The following ADAMTSL1 variants were observed in gnomAD, a reference collection of about 807,000 sequenced individuals.
ADAMTSL1 encodes the protein ADAMTS-like protein 1.
In ADAMTSL1, 126 loss-of-function variants were observed where a neutral mutation model predicts 201.8. The observed-to-expected ratio is 0.62, with a 90% CI of 0.54 to 0.72. The LOEUF (loss-of-function observed/expected upper bound fraction) is 0.72, where lower values mean the gene tolerates loss of function less well. Ranked by LOEUF, ADAMTSL1 falls within the 30% of genes least tolerant of loss-of-function variation. The pLI is 0.00. For synonymous variants in ADAMTSL1, 1,121 were observed against 903.4 expected, an observed-to-expected ratio of 1.24 and a Z score of -4.32; for missense variants, 2,679 against 2,277.8, an observed-to-expected ratio of 1.18 and a Z score of -3.59.
rs549495458 is a variant in ADAMTSL1, at chr9:17,977,938, AT to A, written c.87+71019del. 4.7e-4 allele frequency among the ~76,000 whole-genome samples: 72 copies of A among 152,002 alleles called. 1 individual carries two copies. The South Asian group carries it at 0.015, about 31-fold the overall frequency. On this transcript the variant is annotated intron_variant, in intron 1 of 29. Transcript: ENST00000680146. ...AATCCCCTACCATTATTGTATTGCT[AT>A]TTCCCCCTTGAGTTCTGTTAATATT... is the stretch of plus-strand genomic sequence containing the variant.
intron 2 of ADAMTSL1, among the ~76,000 whole-genome samples, chr9:18,351,117 G>A (rs1054452794): frequency 1.3e-5 from 2 of 151,970 alleles, no homozygotes; most frequent in African/African-American, 4.8e-5. Flanking sequence ...CTAAACATGG[G>A]TTTTCTAGTT....
chr9:18,388,323 T>C (rs1837888760), intron 2 of ADAMTSL1, among the ~76,000 whole-genome samples: 1 of 152,226 alleles, frequency 6.6e-6, no homozygotes, highest in Middle Eastern at 3.4e-3. Flanking sequence ...CAGGCTGGAG[T>C]GCAATGGCAC....
intron 23 of ADAMTSL1, among the ~76,000 whole-genome samples, chr9:18,861,081 TAC>T (rs917181748): frequency 1.3e-5 from 2 of 152,128 alleles, no homozygotes. Flanking sequence ...TCCCTCGTTA[TAC>T]AGAGATCATA....
At chr9:18,399,280 CATATATATAT>C (rs561622408) in intron 2 of ADAMTSL1, among the ~76,000 whole-genome samples, 530 of 30,978 alleles carry the variant, frequency 0.017, 11 homozygotes, top group African/African-American at 0.029. Flanking sequence ...GTCTGCTTTA[CATATATATAT>C]ATATATATAT....
intron 2 of ADAMTSL1, among the ~76,000 whole-genome samples, chr9:18,173,138 G>C (rs1827979265): frequency 6.6e-6 from 1 of 152,062 alleles, no homozygotes; most frequent in African/African-American, 2.4e-5. Flanking sequence ...TTATTTCAGT[G>C]TGCTTTAATG....
chr9:18,535,285 T>C (rs1251523799), intron 3 of ADAMTSL1, among the ~76,000 whole-genome samples: 1 of 152,184 alleles, frequency 6.6e-6, no homozygotes, highest in East Asian at 1.9e-4. Flanking sequence ...CACCTTTGCT[T>C]TACTTCCCAA....
At chr9:18,210,127 C>T (rs1829807137) in intron 2 of ADAMTSL1, among the ~76,000 whole-genome samples, 2 of 151,958 alleles carry the variant, frequency 1.3e-5, no homozygotes, top group Admixed American at 1.3e-4. Flanking sequence ...TTAACATAAT[C>T]ACAACCAGGT....
In ADAMTSL1 at chr9:18,024,078, C is replaced by T. The variant is rs76745757; in HGVS notation, c.87+117156C>T. ...TCAGTTATCATTTTGTATCTGGTTA[C>T]ATCATGAATTGATCAGATATTTTAA... On this transcript the variant is annotated intron_variant, in intron 1 of 29. Transcript: ENST00000680146. Among the ~76,000 whole-genome samples the T allele has an allele frequency of 1.6e-4, 24 of 152,116 alleles. No homozygotes were observed. In the East Asian group the frequency reaches 4.5e-3, roughly 28 times the overall value.
intron 2 of ADAMTSL1, among the ~76,000 whole-genome samples, chr9:18,447,475 G>A (rs1218817789): frequency 2.6e-5 from 4 of 152,148 alleles, no homozygotes; most frequent in Non-Finnish European, 5.9e-5. Context: ...GGAAGAGGGA[G>A]GGAGGGAGAC....
intron 1 of ADAMTSL1, among the ~76,000 whole-genome samples, chr9:17,978,357 T>A (rs1818537830): frequency 6.6e-6 from 1 of 152,004 alleles, no homozygotes; most frequent in Non-Finnish European, 1.5e-5. Flanking sequence ...TTTTTTGTAG[T>A]TCCTTTGTTA....
chr9:18,301,466 A>G (rs1778961458), intron 2 of ADAMTSL1, among the ~76,000 whole-genome samples: 2 of 152,180 alleles, frequency 1.3e-5, no homozygotes, highest in South Asian at 2.1e-4. Context: ...TATATACTAT[A>G]TGTTTTCCCA....
chr9:18,061,518 C>G (rs1037175998), intron 1 of ADAMTSL1, among the ~76,000 whole-genome samples: 8 of 152,154 alleles, frequency 5.3e-5, no homozygotes, highest in Admixed American at 5.2e-4. Context: ...ACAAAGAACT[C>G]TGCAGCTATA....
intron 2 of ADAMTSL1, among the ~76,000 whole-genome samples, chr9:18,307,858 A>G (rs1206362525): frequency 1.3e-5 from 2 of 152,190 alleles, no homozygotes; most frequent in Admixed American, 6.5e-5. Context: ...ATAGACATCT[A>G]TAGGACTCTT....
In ADAMTSL1 at chr9:17,998,896, C is replaced by G. The variant is rs528777453; in HGVS notation, c.87+91974C>G. Among the ~76,000 whole-genome samples, 12 of 152,074 alleles carry G rather than the reference C, an allele frequency of 7.9e-5. No homozygotes were observed. The South Asian group carries it at 2.5e-3, about 32-fold the overall frequency. On this transcript the variant is annotated intron_variant, in intron 1 of 29. Coordinates refer to the ADAMTSL1 transcript ENST00000680146. Reference sequence around the variant, plus strand: ...TCAAGCATATGTTCAATACAAAGGCCCCATGAAATCTGCAAGCCTGCTGTG... The same window carrying G: ...TCAAGCATATGTTCAATACAAAGGCGCCATGAAATCTGCAAGCCTGCTGTG...
chr9:18,706,982 G>A lies in ADAMTSL1; in HGVS notation c.1810G>A (p.Asp604Asn), dbSNP rs369065546. The A allele has an allele frequency of 3.3e-5, 53 of 1,613,856 alleles. No homozygotes were observed. The highest frequency in any genetic ancestry group is 1.6e-4 in the South Asian group (15 of 91,078). ...AGATGGGCTCTTTGGTGGCCTGCAG[G>A]ATTTCGACGAGCTGTATGACTGGGA... The part of the protein sequence containing the change: ...ETDGLFGGLQ[D>N]FDELYDWEYE... The change falls in exon 14 of 29, where the codon GAT (aspartate) becomes AAT (asparagine). Residue 604 changes from aspartate (D) to asparagine (N), a missense_variant. Physicochemically the swap from Asp to Asn is conservative, Grantham distance 23 (BLOSUM62 1). Coordinates refer to ENST00000380548, the MANE Select transcript of ADAMTSL1 (RefSeq NM_001040272.6).
chr9:18,242,416 GA>G (rs1831106569), intron 2 of ADAMTSL1, among the ~76,000 whole-genome samples: 2 of 152,102 alleles, frequency 1.3e-5, no homozygotes, highest in South Asian at 4.1e-4. Flanking sequence ...AATCAATGGG[GA>G]AAAACTGAAA....
intron 1 of ADAMTSL1, among the ~76,000 whole-genome samples, chr9:18,502,856 C>CCTTAT (rs1390801930): frequency 6.6e-6 from 1 of 151,950 alleles, no homozygotes; most frequent in Non-Finnish European, 1.5e-5. Flanking sequence ...AAGCCTGGTG[C>CCTTAT]CTTATCAGTG....
At chr9:18,362,698 T>G (rs1836582606) in intron 2 of ADAMTSL1, among the ~76,000 whole-genome samples, 1 of 152,226 alleles carries the variant, frequency 6.6e-6, no homozygotes, top group African/African-American at 2.4e-5. Flanking sequence ...TGAGAGGTGC[T>G]AATTGATAAA....
At chr9:18,042,366 T>A (rs1461842670) in intron 1 of ADAMTSL1, among the ~76,000 whole-genome samples, 1 of 152,180 alleles carries the variant, frequency 6.6e-6, no homozygotes, top group Non-Finnish European at 1.5e-5. Context: ...AAAAGAAATT[T>A]ACTGAGTGTT....
Sources: gnomAD v4.1 joint callset for allele counts (sites outside exome capture counted in the v4.1 genomes callset) on GRCh38, gnomAD v4.1.1 for gene constraint, MANE v1.5 for transcripts, NCBI Gene and HGNC (gene_info 2026-07-23, HGNC 2026-07-21) for gene names.